Variants in MEI4 observed in about 807,000 individuals in gnomAD.
MEI4 encodes the protein meiosis-specific protein MEI4.
In MEI4, 27 loss-of-function variants were observed where a neutral mutation model predicts 31.4. That is an observed-to-expected ratio of 0.86 (90% CI 0.63 to 1.19). The LOEUF (loss-of-function observed/expected upper bound fraction) is 1.19, where lower values mean the gene tolerates loss of function less well. Among genes scored for constraint, MEI4 ranks in the 50% most tolerant of loss-of-function variants. The probability of loss-of-function intolerance (pLI) is 0.00; values close to 1 mark genes in which losing one functional copy is unlikely to be tolerated. For missense variants in MEI4, 329 were observed against 398.9 expected (o/e 0.82, Z 1.49); for synonymous variants, 122 against 145.4 (o/e 0.84, Z 1.16).
At chr6:77,703,488 G>A (rs549573583) in intron 2 of MEI4, among the ~76,000 whole-genome samples, 89 of 152,224 alleles carry the variant, frequency 5.8e-4, no homozygotes, top group Admixed American at 9.8e-4. Flanking sequence ...TCTTTGCTTA[G>A]TGTGATTTTT....
At chr6:77,902,557 C>G (rs1562031574) in intron 4 of MEI4, among the ~76,000 whole-genome samples, 1 of 151,882 alleles carries the variant, frequency 6.6e-6, no homozygotes, top group East Asian at 1.9e-4. Context: ...GATTTTGTAT[C>G]CTTTGTGAAA....
At chr6:77,816,796 A>C (rs1769700069) in intron 3 of MEI4, among the ~76,000 whole-genome samples, 1 of 152,208 alleles carries the variant, frequency 6.6e-6, no homozygotes, top group Non-Finnish European at 1.5e-5. Flanking sequence ...TTTTTAAAGT[A>C]GTAATATTAC....
chr6:77,813,726 T>C (rs1769626858), intron 3 of MEI4, among the ~76,000 whole-genome samples: 1 of 152,126 alleles, frequency 6.6e-6, no homozygotes, highest in Admixed American at 6.6e-5. Context: ...TTGATCATTT[T>C]TGTCTGATCA....
intron 1 of MEI4, among the ~76,000 whole-genome samples, chr6:77,675,509 T>C (rs755411876): frequency 2.6e-4 from 39 of 151,790 alleles, no homozygotes; most frequent in Non-Finnish European, 4.7e-4. Context: ...TTTTAGATGG[T>C]TAAGATGAAA....
In MEI4 at chr6:77,702,776, C is replaced by T. The variant is rs917768266; in HGVS notation, c.232+11873C>T. ...TCTCCAGCCCAACCTGTCACCACCACGTCCTTCACATTCTGCACTGAGACA... is the reference window on the plus strand; with the variant it reads ...TCTCCAGCCCAACCTGTCACCACCATGTCCTTCACATTCTGCACTGAGACA... On this transcript the variant is annotated intron_variant, in intron 2 of 4. Coordinates refer to ENST00000684080, the MANE Select transcript of MEI4 (RefSeq NM_001322247.2). Among the ~76,000 whole-genome samples the T allele has an allele frequency of 8.5e-5, 13 of 152,312 alleles. No homozygotes were observed. In the South Asian group the frequency reaches 1.0e-3, roughly 12 times the overall value.
intron 2 of MEI4, among the ~76,000 whole-genome samples, chr6:77,733,464 G>A (rs58869935): frequency 0.14 from 21,010 of 151,906 alleles, 1,587 homozygotes; most frequent in Middle Eastern, 0.21. Context: ...CTGTGTGATC[G>A]GTGGTGGTAT....
intron 4 of MEI4, among the ~76,000 whole-genome samples, chr6:77,838,569 C>A (rs1009609614): frequency 2.6e-5 from 4 of 152,210 alleles, no homozygotes; most frequent in African/African-American, 9.6e-5. Flanking sequence ...CTATCATTCT[C>A]ACTGATTAAA....
rs549749928 is a variant in MEI4 at position 77,847,986 on chromosome 6, A to G, written c.900+18924A>G. ...TATTTATCTCCTCTTCACTTTATGT[A>G]TCTTTATGCAGGAATCCTTTGAGTT... On this transcript the variant is annotated intron_variant, in intron 4 of 4. Transcript: ENST00000684080. The surrounding 1 kb of genome is among the most constrained non-coding windows in gnomAD (Gnocchi z 4.6). Among the ~76,000 whole-genome samples, 4 of 152,302 alleles carry G rather than the reference A, an allele frequency of 2.6e-5. No homozygotes were observed. In the South Asian group the frequency reaches 6.2e-4, roughly 24 times the overall value.
At chr6:77,668,735 A>G (rs1398025859) in intron 1 of MEI4, among the ~76,000 whole-genome samples, 3 of 152,204 alleles carry the variant, frequency 2.0e-5, no homozygotes, top group Non-Finnish European at 4.4e-5. Context: ...GATTATGGAT[A>G]TAAATCCATA....
rs999060331 is a variant in MEI4 at position 77,684,864 on chromosome 6, A to G, written c.-14-5794A>G. ...CTGATTTCCTTTCTTTTGAGTATACACCCAAAGTGAGATTGCTGCACATAT... is the reference window on the plus strand; with the variant it reads ...CTGATTTCCTTTCTTTTGAGTATACGCCCAAAGTGAGATTGCTGCACATAT... On this transcript the variant is annotated intron_variant, in intron 1 of 4. Transcript: ENST00000684080. 3.3e-5 allele frequency among the ~76,000 whole-genome samples: 5 copies of G among 152,242 alleles called. No individual in the cohort carries two copies. The South Asian group carries it at 1.0e-3, about 32-fold the overall frequency.
chr6:77,664,600 T>C (rs532104933), intron 1 of MEI4, among the ~76,000 whole-genome samples: 2 of 151,024 alleles, frequency 1.3e-5, no homozygotes, highest in Non-Finnish European at 3.0e-5. Context: ...CTCGGCCTGG[T>C]GAGGAGGGGA....
At chr6:77,772,288 ATCCCTC>A (rs1308817784) in intron 3 of MEI4, among the ~76,000 whole-genome samples, 1 of 151,496 alleles carries the variant, frequency 6.6e-6, no homozygotes, top group Admixed American at 6.6e-5. Context: ...ACAGGCCAGT[ATCCCTC>A]ATGAACATTG....
At chr6:77,908,230 A>T (rs1296247705) in intron 4 of MEI4, among the ~76,000 whole-genome samples, 4 of 152,098 alleles carry the variant, frequency 2.6e-5, no homozygotes. Flanking sequence ...GCCCATGCCT[A>T]TGTACTGAAT....
rs1474555067 is a variant in MEI4, at chr6:77,796,933, A to ATC, written c.769-31998_769-31997insTC. Among the ~76,000 whole-genome samples, 39 of 152,208 alleles carry ATC rather than the reference A, an allele frequency of 2.6e-4. 1 individual carries two copies. The highest frequency in any genetic ancestry group is 9.4e-4 in the African/African-American group (39 of 41,468). On this transcript the variant is annotated intron_variant, in intron 3 of 4. Transcript: ENST00000684080. ...TACACATTTACACTCCCTGTTTTGA[A>ATC]ACTATATCATAAAAAGTGATAGTAA...
intron 4 of MEI4, among the ~76,000 whole-genome samples, chr6:77,838,903 C>CA (rs377478626): frequency 9.6e-4 from 120 of 124,632 alleles, no homozygotes; most frequent in South Asian, 1.0e-3. Flanking sequence ...AACTCTATCT[C>CA]AAAAAAAAAA....
chr6:77,696,184 T>C (rs997779249), intron 2 of MEI4, among the ~76,000 whole-genome samples: 1 of 152,184 alleles, frequency 6.6e-6, no homozygotes, highest in Admixed American at 6.5e-5. Flanking sequence ...TGGGGTTTTC[T>C]AGATATACAA....
intron 3 of MEI4, among the ~76,000 whole-genome samples, chr6:77,803,983 C>T (rs564625285): frequency 2.0e-3 from 307 of 152,292 alleles, no homozygotes; most frequent in African/African-American, 7.1e-3. Flanking sequence ...GGGAGAACCA[C>T]TGCTCTCTTC....
intron 3 of MEI4, among the ~76,000 whole-genome samples, chr6:77,803,993 C>T (rs1422027724): frequency 6.6e-6 from 1 of 152,178 alleles, no homozygotes; most frequent in African/African-American, 2.4e-5. Flanking sequence ...CTGCTCTCTT[C>T]AAAGCTGTCA....
chr6:77,747,281 C>T (rs937896003), intron 2 of MEI4, among the ~76,000 whole-genome samples: 4 of 151,944 alleles, frequency 2.6e-5, no homozygotes, highest in Non-Finnish European at 5.9e-5. Context: ...CACTGCACTT[C>T]AGCCTAGGCA....
Sources: gnomAD v4.1 joint callset for allele counts (sites outside exome capture counted in the v4.1 genomes callset) on GRCh38, gnomAD v4.1.1 for gene constraint, Gnocchi (gnomAD v3.1) non-coding constraint, MANE v1.5 for transcripts, NCBI Gene and HGNC (gene_info 2026-07-23, HGNC 2026-07-21) for gene names.